RGS17: variants seen among roughly 807,000 people sequenced by gnomAD.
RGS17 encodes the protein regulator of G protein signaling 17, also known as regulator of G-protein signaling 17.
A neutral mutation model predicts 25.5 loss-of-function variants in RGS17; 12 were observed. That is an observed-to-expected ratio of 0.47 (90% CI 0.30 to 0.76). RGS17 has a LOEUF of 0.76. RGS17 is among the 30% of genes least tolerant of loss of function. The pLI is 0.07. For missense variants in RGS17, 196 were observed against 242.2 expected (o/e 0.81, Z 1.27); for synonymous variants, 71 against 76.9 (o/e 0.92, Z 0.40).
intron 1 of RGS17, among the ~76,000 whole-genome samples, chr6:153,071,232 A>T (rs1776799642): frequency 6.6e-6 from 1 of 151,370 alleles, no homozygotes; most frequent in Non-Finnish European, 1.5e-5. Context: ...ATATAAACAC[A>T]CATACACATA....
At chr6:153,025,735 T>C (rs1779294531) in intron 3 of RGS17, among the ~76,000 whole-genome samples, 1 of 148,072 alleles carries the variant, frequency 6.8e-6, no homozygotes, top group South Asian at 2.1e-4. Context: ...AACATATATA[T>C]GGTAAATACA....
rs111837373 is a variant in RGS17, at chr6:153,068,203, G to C, written c.-25-24160C>G. 7.3e-3 allele frequency among the ~76,000 whole-genome samples: 1,109 copies of C among 152,282 alleles called. 11 individuals are homozygous for C. Among genetic ancestry groups the C allele is most frequent in the African/African-American group, 0.025 (1,056 of 41,554 alleles). On this transcript the variant is annotated intron_variant, in intron 1 of 4. Transcript: ENST00000206262. Reference sequence around the variant, plus strand: ...CTCATGCCTGCAATCCCAGCACTTTGGGAGGCCAAGGCGGGTAGATCACCT... The same window carrying C: ...CTCATGCCTGCAATCCCAGCACTTTCGGAGGCCAAGGCGGGTAGATCACCT...
chr6:153,127,569 A>G (rs926983456), intron 1 of RGS17, among the ~76,000 whole-genome samples: 3 of 152,220 alleles, frequency 2.0e-5, no homozygotes, highest in African/African-American at 7.2e-5. Flanking sequence ...GGGAGGAGCC[A>G]CAATACAAGC....
intron 1 of RGS17, among the ~76,000 whole-genome samples, chr6:153,114,248 A>AT (rs1175824693): frequency 6.6e-6 from 1 of 152,148 alleles, no homozygotes; most frequent in African/African-American, 2.4e-5. Context: ...GATTAAGGGG[A>AT]TATCACCACT....
intron 1 of RGS17, among the ~76,000 whole-genome samples, chr6:153,068,291 C>CGA (rs1776736891): frequency 6.6e-6 from 1 of 151,658 alleles, no homozygotes; most frequent in Admixed American, 6.6e-5. Flanking sequence ...ACTAAAAATA[C>CGA]AAAAAACTAG....
chr6:153,109,170 AT>A (rs11290666), intron 1 of RGS17, among the ~76,000 whole-genome samples: 69,143 of 151,230 alleles, frequency 0.46, 16,392 homozygotes, highest in East Asian at 0.85. Flanking sequence ...GCTAAACGCC[AT>A]TTTTTTTTCA....
At chr6:153,043,375 C>T (rs1392271017) in intron 2 of RGS17, among the ~76,000 whole-genome samples, 2 of 151,952 alleles carry the variant, frequency 1.3e-5, no homozygotes, top group Non-Finnish European at 2.9e-5. Context: ...GTCAATGACT[C>T]TTCTCTCTGT....
Position 153,011,760 on chromosome 6 carries a change from G to C in RGS17, c.447C>G (p.Val149=). ...DYISILSPKE[V]SLDSRVREVI... is the part of the protein sequence containing the mutation. The stretch of plus-strand genomic sequence containing the variant: ...CCTCTCTAACTCGAGAATCAAGACT[G>C]ACCTAAAAAGAAACAAGAGCAAATA... Residue 149 remains valine, a splice_region_variant and synonymous_variant, in exon 5 of 5, where the codon GTC becomes GTG. Transcript: ENST00000206262. 1 of 1,580,922 alleles carries C rather than the reference G, an allele frequency of 6.3e-7. No individual in the cohort carries two copies. The highest frequency in any genetic ancestry group is 8.5e-7 in the Non-Finnish European group (1 of 1,169,630).
At chr6:153,017,288 G>C (rs769600878) in intron 4 of RGS17, among the ~76,000 whole-genome samples, 3 of 152,176 alleles carry the variant, frequency 2.0e-5, no homozygotes, top group Middle Eastern at 6.8e-3. Context: ...AATAGGTCTC[G>C]GTGAACTTGG....
chr6:153,022,571 T>C (rs1779257255), intron 4 of RGS17, among the ~76,000 whole-genome samples: 1 of 152,178 alleles, frequency 6.6e-6, no homozygotes, highest in South Asian at 2.1e-4. Flanking sequence ...CTTTAAGATG[T>C]CACATCTTAC....
intron 2 of RGS17, among the ~76,000 whole-genome samples, chr6:153,027,386 CA>C (rs988756197): frequency 6.6e-6 from 1 of 152,036 alleles, no homozygotes; most frequent in Non-Finnish European, 1.5e-5. Context: ...CAGGTGAGGT[CA>C]TGGGAGATAC....
chr6:153,038,847 T>A (rs912515447), intron 2 of RGS17, among the ~76,000 whole-genome samples: 4 of 152,174 alleles, frequency 2.6e-5, no homozygotes, highest in African/African-American at 9.7e-5. Context: ...ACAGAGGCCA[T>A]GGTACTTGTT....
chr6:153,035,804 T>C (rs899814057), intron 2 of RGS17, among the ~76,000 whole-genome samples: 8 of 152,146 alleles, frequency 5.3e-5, no homozygotes, highest in Admixed American at 4.6e-4. Flanking sequence ...GAGGAGCATA[T>C]GGGGTCTTAG....
intron 1 of RGS17, among the ~76,000 whole-genome samples, chr6:153,125,475 G>A (rs1256020274): frequency 6.6e-6 from 1 of 152,038 alleles, no homozygotes. Flanking sequence ...TTCCACCATA[G>A]GTCATTGCTT....
At chr6:153,070,824 TATATACACATACATATAC>T (rs1195149146) in intron 1 of RGS17, among the ~76,000 whole-genome samples, 1 of 150,714 alleles carries the variant, frequency 6.6e-6, no homozygotes, top group Non-Finnish European at 1.5e-5. Context: ...TACATATACA[TATATACACATACATATAC>T]ATATACACAA....
At chr6:153,110,677 C>T (rs531414057) in intron 1 of RGS17, among the ~76,000 whole-genome samples, 12 of 152,204 alleles carry the variant, frequency 7.9e-5, no homozygotes, top group Non-Finnish European at 1.5e-4. Context: ...CTCCAGTCTG[C>T]AGGTCACAGT....
Position 153,042,584 on chromosome 6 carries a change from A to T in RGS17, c.119+1316T>A, listed in dbSNP as rs143043748. On this transcript the variant is annotated intron_variant, in intron 2 of 4. Transcript: ENST00000206262. Reference sequence around the variant, plus strand: ...ACCTCTTTTTCTTTATAAATTACCCAGTCTCAGGTACTTCTTTATAGCAGC... The same window carrying T: ...ACCTCTTTTTCTTTATAAATTACCCTGTCTCAGGTACTTCTTTATAGCAGC... 2.4e-3 allele frequency among the ~76,000 whole-genome samples: 361 copies of T among 152,340 alleles called. 2 individuals are homozygous for T. The highest frequency in any genetic ancestry group is 7.5e-3 in the East Asian group (39 of 5,190).
rs149575513 is a variant in RGS17 at position 153,031,741 on chromosome 6, T to C, written c.120-5198A>G. ...TTAAGGTTTGGAAAAATAAACCTCC[T>C]AGTACAATCCAGTACATTGAGTATA... On this transcript the variant is annotated intron_variant, in intron 2 of 4. Coordinates refer to ENST00000206262, the MANE Select transcript of RGS17 (RefSeq NM_012419.5). Among the ~76,000 whole-genome samples, 22 of 152,320 alleles carry C rather than the reference T, an allele frequency of 1.4e-4. 1 individual carries two copies. In the East Asian group the frequency reaches 4.2e-3, roughly 29 times the overall value.
At chr6:153,074,948 C>T (rs962821490) in intron 1 of RGS17, among the ~76,000 whole-genome samples, 2 of 152,096 alleles carry the variant, frequency 1.3e-5, no homozygotes, top group Non-Finnish European at 2.9e-5. Context: ...CATCTGCTCC[C>T]GGTTTAGTGC....
Sources: gnomAD v4.1 joint callset for allele counts (sites outside exome capture counted in the v4.1 genomes callset) on GRCh38, gnomAD v4.1.1 for gene constraint, MANE v1.5 for transcripts, NCBI Gene and HGNC (gene_info 2026-07-23, HGNC 2026-07-21) for gene names.